The following NCALD variants were observed in gnomAD, a reference collection of about 807,000 sequenced individuals.
NCALD encodes the protein neurocalcin-delta.
Under a neutral mutation model 18.6 loss-of-function variants are expected in NCALD, and 10 were observed. The ratio of observed to expected loss-of-function variants is 0.54; its 90% CI spans 0.33 to 0.91. The LOEUF (loss-of-function observed/expected upper bound fraction) is 0.91, where lower values mean the gene tolerates loss of function less well. Among genes scored for constraint, NCALD ranks in the 40% least tolerant of loss-of-function variants. The probability of loss-of-function intolerance (pLI) is 0.03; values close to 1 mark genes in which losing one functional copy is unlikely to be tolerated. For missense variants in NCALD, 184 were observed against 247.6 expected (o/e 0.74, Z 1.72); for synonymous variants, 88 against 87.4 (o/e 1.01, Z -0.04).
intron 4 of NCALD, chr8:101,872,516 C>T (rs543609392): frequency 2.8e-6 from 2 of 726,518 alleles, no homozygotes; most frequent in Non-Finnish European, 5.1e-6. Context: ...TCTAAGATGT[C>T]ATTCCACTCA....
At chr8:102,115,583 G>A (rs1825758921) in intron 1 of NCALD, among the ~76,000 whole-genome samples, 1 of 152,168 alleles carries the variant, frequency 6.6e-6, no homozygotes, top group Non-Finnish European at 1.5e-5. Flanking sequence ...TCTTTACCTT[G>A]CCTTATGTGC....
At chr8:102,008,044 C>T (rs775676175) in intron 2 of NCALD, among the ~76,000 whole-genome samples, 11 of 152,194 alleles carry the variant, frequency 7.2e-5, no homozygotes, top group Non-Finnish European at 1.5e-4. Flanking sequence ...AGATATAATT[C>T]TTCCATTCAA....
intron 4 of NCALD, among the ~76,000 whole-genome samples, chr8:101,880,639 T>C (rs1816455598): frequency 6.6e-6 from 1 of 152,346 alleles, no homozygotes; most frequent in East Asian, 1.9e-4. Flanking sequence ...AATTGAATTC[T>C]CCCCCAGATA....
chr8:101,832,271 T>G (rs897066132), intron 4 of NCALD, among the ~76,000 whole-genome samples: 1 of 152,132 alleles, frequency 6.6e-6, no homozygotes, highest in African/African-American at 2.4e-5. Flanking sequence ...TCTCTCTCTC[T>G]CTGCCATAAA....
intron 1 of NCALD, among the ~76,000 whole-genome samples, chr8:102,042,598 G>C (rs1323581013): frequency 6.6e-6 from 1 of 151,894 alleles, no homozygotes; most frequent in Non-Finnish European, 1.5e-5. Flanking sequence ...GCTGGTGTGA[G>C]GTCACATCAG....
chr8:101,857,662 A>T (rs1372064799), intron 4 of NCALD, among the ~76,000 whole-genome samples: 2 of 152,218 alleles, frequency 1.3e-5, no homozygotes, highest in Non-Finnish European at 2.9e-5. Context: ...GGAGATGTCA[A>T]GTCAATGGAA....
intron 1 of NCALD, among the ~76,000 whole-genome samples, chr8:101,787,649 C>T (rs1011277599): frequency 6.6e-6 from 1 of 152,154 alleles, no homozygotes; most frequent in Non-Finnish European, 1.5e-5. Context: ...CTAAACAATA[C>T]TATTAATACC....
chr8:102,011,210 C>T (rs775625768), intron 2 of NCALD, among the ~76,000 whole-genome samples: 2 of 152,170 alleles, frequency 1.3e-5, no homozygotes, highest in East Asian at 1.9e-4. Flanking sequence ...CCTACTCCCC[C>T]AACACAGACA....
At chr8:102,067,460 C>CAG (rs1491027482) in intron 1 of NCALD, among the ~76,000 whole-genome samples, 1 of 152,010 alleles carries the variant, frequency 6.6e-6, no homozygotes, top group Non-Finnish European at 1.5e-5. Flanking sequence ...CACACACACA[C>CAG]ACACACACAC....
Position 101,687,008 on chromosome 8 carries a change from G to A in NCALD, c.*2301C>T, listed in dbSNP as rs980652915. ...CTCCGAGAAAATACAGACAGGGTCA[G>A]TGGCAGGCCAGGACAGGGACTATTT... On this transcript the variant is annotated 3_prime_UTR_variant, in exon 4 of 4. Transcript: ENST00000220931. 1 of 152,294 alleles carries A rather than the reference G, an allele frequency of 6.6e-6. No individual in the cohort carries two copies. Among genetic ancestry groups the A allele is most frequent in the Non-Finnish European group, 1.5e-5 (1 of 68,100 alleles). 9.4% of individuals were successfully genotyped at this position (152,294 alleles called of 1,614,324 possible).
intron 1 of NCALD, among the ~76,000 whole-genome samples, chr8:101,785,651 G>A (rs1382854061): frequency 6.6e-6 from 1 of 152,090 alleles, no homozygotes; most frequent in Non-Finnish European, 1.5e-5. Context: ...GTTAGTACAG[G>A]GAAGACGGGA....
intron 1 of NCALD, among the ~76,000 whole-genome samples, chr8:101,743,852 T>C (rs957382913): frequency 2.6e-5 from 4 of 152,214 alleles, no homozygotes; most frequent in African/African-American, 9.6e-5. Context: ...AGCAAAGGAC[T>C]GAGTAACCCC....
chr8:102,096,668 C>T (rs115763694), intron 1 of NCALD, among the ~76,000 whole-genome samples: 1,893 of 151,894 alleles, frequency 0.012, 40 homozygotes, highest in African/African-American at 0.043. Flanking sequence ...AGACTGACGG[C>T]GGGCCACCAC....
chr8:101,812,882 C>T (rs755369832), intron 4 of NCALD, among the ~76,000 whole-genome samples: 2 of 152,154 alleles, frequency 1.3e-5, no homozygotes, highest in Non-Finnish European at 2.9e-5. Flanking sequence ...TGTTCTATCA[C>T]TTGAAAGCAA....
chr8:101,731,144 C>T (rs1025985152), intron 1 of NCALD, among the ~76,000 whole-genome samples: 3 of 152,004 alleles, frequency 2.0e-5, no homozygotes, highest in Admixed American at 6.5e-5. Context: ...AAACAGTGAA[C>T]GAGAGGGCTC....
chr8:101,794,509 C>A (rs988412514), upstream of NCALD, among the ~76,000 whole-genome samples: 1 of 152,160 alleles, frequency 6.6e-6, no homozygotes, highest in East Asian at 1.9e-4. Flanking sequence ...TCAAACTTAA[C>A]CCTACTCATA....
At chr8:101,847,565 T>C (rs746217707) in intron 4 of NCALD, among the ~76,000 whole-genome samples, 1 of 152,204 alleles carries the variant, frequency 6.6e-6, no homozygotes, top group Non-Finnish European at 1.5e-5. Flanking sequence ...GGAAAGCCCC[T>C]CATTTATTTA....
chr8:101,719,748 CAAAT>C (rs752222434), intron 1 of NCALD, 100 bp from the exon 2 acceptor site: 98 of 1,133,084 alleles, frequency 8.6e-5, no homozygotes, highest in Non-Finnish European at 1.2e-4. Context: ...AAAAAACAAA[CAAAT>C]AAACTCTATA....
intron 1 of NCALD, among the ~76,000 whole-genome samples, chr8:102,037,364 G>A (rs1034510357): frequency 7.9e-5 from 12 of 151,422 alleles, no homozygotes; most frequent in Non-Finnish European, 1.5e-5. Flanking sequence ...CAGATTCCAT[G>A]CTCTTAACCA....
Sources: gnomAD v4.1 joint callset for allele counts (sites outside exome capture counted in the v4.1 genomes callset) on GRCh38, gnomAD v4.1.1 for gene constraint, MANE v1.5 for transcripts, NCBI Gene and HGNC (gene_info 2026-07-23, HGNC 2026-07-21) for gene names.